PCDHGA11: variants seen among roughly 807,000 people sequenced by gnomAD.
PCDHGA11 encodes the protein protocadherin gamma subfamily A, 11.
In PCDHGA11, 39 loss-of-function variants were observed where a neutral mutation model predicts 60.4. The observed-to-expected ratio is 0.65, with a 90% CI of 0.50 to 0.84. PCDHGA11 has a LOEUF of 0.84. Ranked by LOEUF, PCDHGA11 falls within the 40% of genes least tolerant of loss-of-function variation. The probability of loss-of-function intolerance (pLI) is 0.00; values close to 1 mark genes in which losing one functional copy is unlikely to be tolerated. For synonymous variants in PCDHGA11, 533 were observed against 510.3 expected, an observed-to-expected ratio of 1.04 and a Z score of -0.60; for missense variants, 1,165 against 1,197.7, an observed-to-expected ratio of 0.97 and a Z score of 0.40.
intron 1 of PCDHGA11, chr5:141,468,662 C>G (rs1381049343): frequency 6.6e-6 from 1 of 150,534 alleles, no homozygotes; most frequent in East Asian, 2.0e-4. Context: ...GTCAGGAGAT[C>G]AAGACCATCC....
At chr5:141,448,215 C>T (rs927573458) in intron 1 of PCDHGA11, among the ~76,000 whole-genome samples, 5 of 152,046 alleles carry the variant, frequency 3.3e-5, no homozygotes, top group African/African-American at 9.7e-5. Flanking sequence ...TGTGTGTATG[C>T]GAATGTATGT....
At chr5:141,425,484 TA>T (rs929097245) in intron 1 of PCDHGA11, among the ~76,000 whole-genome samples, 1 of 152,258 alleles carries the variant, frequency 6.6e-6, no homozygotes, top group African/African-American at 2.4e-5. Context: ...TATGGCAACC[TA>T]CTAGGCTATA....
At chr5:141,426,830 C>A (rs559240163) in intron 1 of PCDHGA11, 301 of 456,662 alleles carry the variant, frequency 6.6e-4, no homozygotes, top group African/African-American at 5.8e-3. Flanking sequence ...TGATGATGGA[C>A]AAGACTAAAG....
At chr5:141,501,423 A>C (rs1195105794) in intron 2 of PCDHGA11, among the ~76,000 whole-genome samples, 1 of 151,966 alleles carries the variant, frequency 6.6e-6, no homozygotes, top group Non-Finnish European at 1.5e-5. Flanking sequence ...AGTTGACTAA[A>C]TGTAGTCCAT....
intron 1 of PCDHGA11, among the ~76,000 whole-genome samples, chr5:141,472,192 C>A (rs2099274015): frequency 1.3e-5 from 2 of 152,134 alleles, no homozygotes; most frequent in South Asian, 2.1e-4. Context: ...GAATTTGAAT[C>A]TTTTTGACAC....
intron 1 of PCDHGA11, among the ~76,000 whole-genome samples, chr5:141,442,913 AACT>A (rs1163578304): frequency 6.6e-6 from 1 of 152,214 alleles, no homozygotes. Flanking sequence ...TTCAGCACAC[AACT>A]GTTTCATTTT....
At chr5:141,453,451 T>C (rs1052905667) in intron 1 of PCDHGA11, among the ~76,000 whole-genome samples, 1 of 152,096 alleles carries the variant, frequency 6.6e-6, no homozygotes, top group Non-Finnish European at 1.5e-5. Flanking sequence ...TTTTTGAATA[T>C]GTAAAACATT....
chr5:141,511,713 C>T lies in PCDHGA11; in HGVS notation c.*540C>T. 5.4e-6 allele frequency: 1 copy of T among 186,446 alleles called. No individual in the cohort carries two copies. Among genetic ancestry groups the T allele is most frequent in the Admixed American group, 5.3e-5 (1 of 18,840 alleles). The allele number at this position is 186,446 out of a possible 1,614,324, so 11.5% of individuals were successfully genotyped here. ...TTGGTGCCAGCCCCTTCACCTCCTT[C>T]CAGAGCCCAAGATCAATGCTCAAGT... On this transcript the variant is annotated 3_prime_UTR_variant, in exon 4 of 4. Transcript: ENST00000398587.
rs1414722237 is a variant in PCDHGA11 at position 141,432,748 on chromosome 5, C to T, written c.2433+9088C>T. On this transcript the variant is annotated intron_variant, in intron 1 of 3. Coordinates refer to ENST00000398587, the MANE Select transcript of PCDHGA11 (RefSeq NM_018914.3). The surrounding 1 kb of genome is among the most constrained non-coding windows in gnomAD (Gnocchi z 6.0). ...CCGCCACTGTCACGCTCACCGTGGC[C>T]GTGGCCGACAGCATCCCCCAAGTCC... 1 of 1,614,120 alleles carries T rather than the reference C, an allele frequency of 6.2e-7. No homozygotes were observed. The highest frequency in any genetic ancestry group is 8.5e-7 in the Non-Finnish European group (1 of 1,179,980).
At position 141,455,034 on chromosome 5, in the gene PCDHGA11, G is replaced by T. The variant is rs112590950; in HGVS notation, c.2433+31374G>T. 8.3e-3 allele frequency among the ~76,000 whole-genome samples: 1,254 copies of T among 150,894 alleles called. 18 individuals are homozygous for T. Among genetic ancestry groups the T allele is most frequent in the African/African-American group, 0.029 (1,191 of 41,122 alleles). ...TCACCGTGTTAGCCAGGATGGTCTC[G>T]ATCTCCTGACCTCGTGATCCGCCCG... On this transcript the variant is annotated intron_variant, in intron 1 of 3. Coordinates refer to ENST00000398587, the MANE Select transcript of PCDHGA11 (RefSeq NM_018914.3).
At position 141,489,562 on chromosome 5, in the gene PCDHGA11, G is replaced by A. The variant is rs770734883; in HGVS notation, c.2434-5245G>A. ...CACCAGCTGCCTGCTGCCAGTGCAG[G>A]TGGTGACTGAACACCCCCTGGAGCT... On this transcript the variant is annotated intron_variant, in intron 1 of 3. Coordinates refer to ENST00000398587, the MANE Select transcript of PCDHGA11 (RefSeq NM_018914.3). The surrounding 1 kb of genome is among the most constrained non-coding windows in gnomAD (Gnocchi z 4.5). 2 of 1,614,114 alleles carry A rather than the reference G, an allele frequency of 1.2e-6. No homozygotes were observed. Among genetic ancestry groups the A allele is most frequent in the Non-Finnish European group, 1.7e-6 (2 of 1,180,028 alleles).
At chr5:141,461,409 A>G (rs572412049) in intron 1 of PCDHGA11, among the ~76,000 whole-genome samples, 1 of 151,928 alleles carries the variant, frequency 6.6e-6, no homozygotes, top group East Asian at 1.9e-4. Flanking sequence ...GCATTTTTTC[A>G]TATGTTTGTG....
chr5:141,449,588 CAAA>C (rs768743917), intron 1 of PCDHGA11, among the ~76,000 whole-genome samples: 1 of 57,486 alleles, frequency 1.7e-5, no homozygotes, highest in Non-Finnish European at 3.7e-5. Context: ...GACTCTGTCT[CAAA>C]AAAAAAAAAA....
intron 1 of PCDHGA11, among the ~76,000 whole-genome samples, chr5:141,465,140 G>A (rs1019369475): frequency 5.3e-5 from 8 of 151,554 alleles, no homozygotes; most frequent in Non-Finnish European, 7.4e-5. Context: ...AAGTTTAGGG[G>A]ATATATGAAG....
intron 2 of PCDHGA11, among the ~76,000 whole-genome samples, chr5:141,497,905 C>T (rs1052659134): frequency 6.6e-6 from 1 of 152,178 alleles, no homozygotes; most frequent in Non-Finnish European, 1.5e-5. Context: ...GTAACTTCAA[C>T]TTCTCTCCTT....
At position 141,477,677 on chromosome 5, in the gene PCDHGA11, TC is replaced by T; in HGVS notation, c.2434-17128del. On this transcript the variant is annotated intron_variant, in intron 1 of 3. Transcript: ENST00000398587. This position sits in a 1 kb window ranked among gnomAD's most constrained non-coding sequence, Gnocchi z 4.9. ...AAATCGTGACAATGGCATAGTGTCA[TC>T]CTTAGTGCCCCTAGACTATGAGGAT... 1 of 1,614,174 alleles carries T rather than the reference TC, an allele frequency of 6.2e-7. No homozygotes were observed. The highest frequency in any genetic ancestry group is 8.5e-7 in the Non-Finnish European group (1 of 1,180,038).
At chr5:141,427,839 G>A (rs1276507135) in intron 1 of PCDHGA11, 3 of 1,547,192 alleles carry the variant, frequency 1.9e-6, no homozygotes, top group African/African-American at 2.7e-5. Context: ...GCGTGCCTTC[G>A]ACCACGAGCA....
At chr5:141,501,470 TG>T (rs1206698871) in intron 2 of PCDHGA11, among the ~76,000 whole-genome samples, 1 of 152,068 alleles carries the variant, frequency 6.6e-6, no homozygotes, top group African/African-American at 2.4e-5. Flanking sequence ...CCCCAAATCC[TG>T]GAAGAGTCCC....
chr5:141,432,014 A>G lies in PCDHGA11; in HGVS notation c.2433+8354A>G, dbSNP rs778393699. The G allele has an allele frequency of 1.5e-5, 25 of 1,614,078 alleles. No individual in the cohort carries two copies. The highest frequency in any genetic ancestry group is 2.0e-5 in the Non-Finnish European group (24 of 1,180,036). ...GGATAGGGAACAGGTTCCTAGCTAC[A>G]ACATCACAGTGACCGCCACTGACCG... On this transcript the variant is annotated intron_variant, in intron 1 of 3. Coordinates refer to ENST00000398587, the MANE Select transcript of PCDHGA11 (RefSeq NM_018914.3). This position sits in a 1 kb window ranked among gnomAD's most constrained non-coding sequence, Gnocchi z 6.0.
Sources: allele counts gnomAD v4.1 joint callset (sites outside exome capture counted in the v4.1 genomes callset), GRCh38; gene constraint gnomAD v4.1.1; non-coding constraint Gnocchi (gnomAD v3.1); transcripts MANE v1.5; gene names NCBI Gene and HGNC (gene_info 2026-07-23, HGNC 2026-07-21).